LHFPL3: variants seen among roughly 807,000 people sequenced by gnomAD.
The protein encoded by LHFPL3 is LHFPL tetraspan subfamily member 3, also known as LHFPL tetraspan subfamily member 3 protein.
In LHFPL3, 5 loss-of-function variants were observed where a neutral mutation model predicts 19.3. The observed-to-expected ratio is 0.26, with a 90% CI of 0.14 to 0.54. LHFPL3 has a LOEUF of 0.54. LHFPL3 is among the 20% of genes least tolerant of loss of function. The pLI is 0.94. For missense variants in LHFPL3, 249 were observed against 307.4 expected, an observed-to-expected ratio of 0.81 and a Z score of 1.42; for synonymous variants, 133 against 126.2, an observed-to-expected ratio of 1.05 and a Z score of -0.36.
chr7:104,375,729 T>C (rs1443592883), intron 1 of LHFPL3, among the ~76,000 whole-genome samples: 1 of 152,200 alleles, frequency 6.6e-6, no homozygotes, highest in Non-Finnish European at 1.5e-5. Flanking sequence ...AAAGGAAACC[T>C]CACAAACACT....
At chr7:104,861,713 G>A (rs1791622308) in intron 2 of LHFPL3, among the ~76,000 whole-genome samples, 1 of 152,134 alleles carries the variant, frequency 6.6e-6, no homozygotes, top group Non-Finnish European at 1.5e-5. Flanking sequence ...AGAAACTAAT[G>A]GTCAAGCACC....
chr7:104,459,190 A>AT, intron 1 of LHFPL3, among the ~76,000 whole-genome samples: 1 of 152,296 alleles, frequency 6.6e-6, no homozygotes, highest in South Asian at 2.1e-4. Flanking sequence ...TGTGTAACCA[A>AT]TTTCTCTTTT....
intron 2 of LHFPL3, among the ~76,000 whole-genome samples, chr7:104,791,146 T>G (rs1790015233): frequency 6.6e-6 from 1 of 152,210 alleles, no homozygotes; most frequent in African/African-American, 2.4e-5. Context: ...TCCTCTCCAG[T>G]AACCAAGTTA....
intron 1 of LHFPL3, among the ~76,000 whole-genome samples, chr7:104,505,992 A>G (rs1417614810): frequency 6.6e-6 from 1 of 152,044 alleles, no homozygotes; most frequent in Non-Finnish European, 1.5e-5. Flanking sequence ...GAATGTAATG[A>G]ACTCACTGGA....
chr7:104,435,987 A>G (rs1478698535), intron 1 of LHFPL3, among the ~76,000 whole-genome samples: 2 of 152,082 alleles, frequency 1.3e-5, no homozygotes, highest in African/African-American at 2.4e-5. Context: ...TGAGAATGAG[A>G]ATGTCTAGTG....
chr7:104,586,915 C>A (rs537007349), intron 1 of LHFPL3, among the ~76,000 whole-genome samples: 1 of 152,266 alleles, frequency 6.6e-6, no homozygotes, highest in Admixed American at 6.5e-5. Context: ...AAAGACCCTT[C>A]TTCCAAATGT....
chr7:104,395,689 A>G (rs1486506428), intron 1 of LHFPL3, among the ~76,000 whole-genome samples: 1 of 152,100 alleles, frequency 6.6e-6, no homozygotes, highest in African/African-American at 2.4e-5. Flanking sequence ...TTCTGTCTCA[A>G]TTTCTGCTCT....
At chr7:104,717,446 TACTA>T (rs1219830756) in intron 1 of LHFPL3, among the ~76,000 whole-genome samples, 2 of 152,060 alleles carry the variant, frequency 1.3e-5, no homozygotes, top group African/African-American at 2.4e-5. Context: ...AAGGATACCC[TACTA>T]CACAATAGAG....
intron 1 of LHFPL3, among the ~76,000 whole-genome samples, chr7:104,618,728 A>C (rs1791391500): frequency 6.6e-6 from 1 of 152,212 alleles, no homozygotes; most frequent in African/African-American, 2.4e-5. Context: ...TCTGAAAAGG[A>C]AGGGTAATGT....
rs1258711639 is a variant in LHFPL3 at position 104,736,850 on chromosome 7, A to G, written c.621A>G (p.Ala207=). ...ILDALILSFL[A]FVLGNRQDSL... ...ATGCCCTGATCCTCTCATTTCTAGC[A>G]TTTGTGCTTGGTAATCGACAAGACA... The change falls in exon 2 of 3, where the codon GCA becomes GCG. Residue 207 remains alanine, a synonymous_variant. Coordinates refer to ENST00000424859, the MANE Select transcript of LHFPL3 (RefSeq NM_199000.3). 2 of 1,612,788 alleles carry G rather than the reference A, an allele frequency of 1.2e-6. No individual in the cohort carries two copies. The highest frequency in any genetic ancestry group is 1.3e-5 in the African/African-American group (1 of 74,990).
intron 1 of LHFPL3, among the ~76,000 whole-genome samples, chr7:104,359,231 G>C (rs573851852): frequency 5.3e-5 from 8 of 152,178 alleles, no homozygotes; most frequent in Non-Finnish European, 8.8e-5. Flanking sequence ...TCTTTTAGAA[G>C]CAACATTAAA....
intron 1 of LHFPL3, among the ~76,000 whole-genome samples, chr7:104,494,723 A>G (rs957117475): frequency 1.4e-4 from 21 of 152,066 alleles, no homozygotes; most frequent in African/African-American, 4.1e-4. Flanking sequence ...TTGCACCCTC[A>G]TGGACCCATA....
At chr7:104,709,841 G>A (rs1584491259) in intron 1 of LHFPL3, among the ~76,000 whole-genome samples, 2 of 120,704 alleles carry the variant, frequency 1.7e-5, no homozygotes, top group African/African-American at 5.4e-5. Context: ...TTCCCAGACT[G>A]GGCGGCCGGG....
At chr7:104,360,443 C>G (rs1232938556) in intron 1 of LHFPL3, among the ~76,000 whole-genome samples, 1 of 152,038 alleles carries the variant, frequency 6.6e-6, no homozygotes, top group Non-Finnish European at 1.5e-5. Context: ...TAAATGCATC[C>G]AGATAAAGCT....
rs770090295 is a variant in LHFPL3, at chr7:104,683,880, C to T, written c.446-52795C>T. 2.4e-4 allele frequency among the ~76,000 whole-genome samples: 36 copies of T among 152,134 alleles called. 1 individual carries two copies. Among genetic ancestry groups the T allele is most frequent in the Admixed American group, 4.6e-4 (7 of 15,276 alleles). On this transcript the variant is annotated intron_variant, in intron 1 of 2. Coordinates refer to ENST00000424859, the MANE Select transcript of LHFPL3 (RefSeq NM_199000.3). ...CATTTATTCAAATTAAACCCTTCCT[C>T]AATTTTGGGGAGTTGGTTTGGGTAT...
At chr7:104,435,491 C>CTT (rs1259656304) in intron 1 of LHFPL3, among the ~76,000 whole-genome samples, 2 of 149,624 alleles carry the variant, frequency 1.3e-5, no homozygotes, top group Non-Finnish European at 3.0e-5. Flanking sequence ...TATAAAATGA[C>CTT]TTTTTATAAA....
chr7:104,617,404 C>T (rs984416974), intron 1 of LHFPL3, among the ~76,000 whole-genome samples: 3 of 152,154 alleles, frequency 2.0e-5, no homozygotes, highest in African/African-American at 7.2e-5. Flanking sequence ...CCTGTAAAGA[C>T]AACAAAAGCT....
intron 1 of LHFPL3, among the ~76,000 whole-genome samples, chr7:104,612,800 A>C (rs372542890): frequency 2.4e-4 from 36 of 152,274 alleles, no homozygotes; most frequent in African/African-American, 7.9e-4. Flanking sequence ...TTCCTACCTG[A>C]CTTGCCAAAT....
chr7:104,397,002 CT>C, intron 1 of LHFPL3, among the ~76,000 whole-genome samples: 1 of 152,196 alleles, frequency 6.6e-6, no homozygotes, highest in East Asian at 1.9e-4. Flanking sequence ...AGATTTCCTT[CT>C]GTTTTTAGTT....
Sources: allele counts gnomAD v4.1 joint callset (sites outside exome capture counted in the v4.1 genomes callset), GRCh38; gene constraint gnomAD v4.1.1; transcripts MANE v1.5; gene names NCBI Gene and HGNC (gene_info 2026-07-23, HGNC 2026-07-21).